The following PEAK1 variants were observed in gnomAD, a reference collection of about 807,000 sequenced individuals.
PEAK1 encodes pseudopodium enriched atypical kinase 1.
PEAK1 carries 54 observed loss-of-function variants against 124.7 expected under a neutral mutation model. That is an observed-to-expected ratio of 0.43 (90% CI 0.35 to 0.54). The LOEUF (loss-of-function observed/expected upper bound fraction) is 0.54, where lower values mean the gene tolerates loss of function less well. Among genes scored for constraint, PEAK1 ranks in the 20% least tolerant of loss-of-function variants. The pLI is 0.01. For missense variants in PEAK1, 2,046 were observed against 2,134.5 expected (o/e 0.96, Z 0.82); for synonymous variants, 719 against 760.0 (o/e 0.95, Z 0.89).
At position 77,179,062 on chromosome 15, in the gene PEAK1, C is replaced by T; in HGVS notation, c.2865G>A (p.Leu955=). Residue 955 remains leucine, a synonymous_variant, in exon 7 of 10, where the codon CTG becomes CTA. Coordinates refer to ENST00000682557, the MANE Select transcript of PEAK1 (RefSeq NM_001385026.1). ...GCAGCATGTGAATGACTGTGCCATC[C>T]AGGCCCACCAGTTTCCCTTTCTCTC... ...KEREKGKLVG[L]DGTVIHMLPP... is the part of the protein sequence containing the mutation. 1.9e-6 allele frequency: 3 copies of T among 1,614,180 alleles called. No individual in the cohort carries two copies. The highest frequency in any genetic ancestry group is 2.5e-6 in the Non-Finnish European group (3 of 1,180,032).
chr15:77,351,823 G>A (rs2067228403), intron 2 of PEAK1: 2 of 985,302 alleles, frequency 2.0e-6, no homozygotes, highest in African/African-American at 3.5e-5. Context: ...CACGGGTGTG[G>A]TAACAGTTTG....
intron 6 of PEAK1, among the ~76,000 whole-genome samples, chr15:77,238,886 C>T (rs1303930515): frequency 6.6e-6 from 1 of 152,154 alleles, no homozygotes; most frequent in Non-Finnish European, 1.5e-5. Context: ...CATAAAGAAT[C>T]CCCAAATAGC....
chr15:77,335,506 G>T (rs1381364588), intron 2 of PEAK1: 1 of 984,682 alleles, frequency 1.0e-6, no homozygotes, highest in Non-Finnish European at 1.2e-6. Flanking sequence ...CAAGAGACAG[G>T]GTCTGGCTTG....
chr15:77,157,027 T>C (rs1238226303), intron 8 of PEAK1: 1 of 152,254 alleles, frequency 6.6e-6, no homozygotes, highest in African/African-American at 2.4e-5. Context: ...AGTCTTCTTC[T>C]TACACAATGT....
At position 77,178,971 on chromosome 15, in the gene PEAK1, C is replaced by T; in HGVS notation, c.2956G>A (p.Ala986Thr). Residue 986 changes from alanine (A) to threonine (T), a missense_variant, in exon 7 of 10, where the codon GCC becomes ACC. Coordinates refer to ENST00000682557, the MANE Select transcript of PEAK1 (RefSeq NM_001385026.1). ...TCGCACCTGTACATGAAGACAATGG[C>T]TGGTTTCTCACTGGACTCTCCTTTC... The part of the protein sequence containing the change: ...EAKGESSEKP[A>T]IVFMYRCDPA... 1.2e-6 allele frequency: 2 copies of T among 1,614,088 alleles called. No homozygotes were observed. The highest frequency in any genetic ancestry group is 1.1e-5 in the South Asian group (1 of 91,084).
In PEAK1 at chr15:77,285,047, C is replaced by T. The variant is rs2062853000; in HGVS notation, c.-512G>A. On this transcript the variant is annotated 5_prime_UTR_variant, in exon 4 of 10. Transcript: ENST00000682557. ...GCAGTGAGCCAAGATCACGCCACCG[C>T]ACTCCAGCCTGGGCGACAGAGTGAG... is the stretch of plus-strand genomic sequence containing the variant. The T allele has an allele frequency of 1.3e-5, 2 of 149,480 alleles. 1 individual carries two copies. The highest frequency in any genetic ancestry group is 1.3e-4 in the Admixed American group (2 of 14,848). 9.3% of individuals were successfully genotyped at this position (149,480 alleles called of 1,614,324 possible). A position where few individuals can be genotyped will look rare whatever the true frequency, so the allele number is the denominator to read the frequency against.
intron 7 of PEAK1, among the ~76,000 whole-genome samples, chr15:77,170,386 G>A (rs2056424796): frequency 6.6e-6 from 1 of 152,102 alleles, no homozygotes; most frequent in Admixed American, 6.6e-5. Flanking sequence ...TTATAAACAA[G>A]GCACTTAGAA....
intron 7 of PEAK1, among the ~76,000 whole-genome samples, chr15:77,171,550 C>T (rs1246798551): frequency 6.6e-6 from 1 of 151,746 alleles, no homozygotes; most frequent in Non-Finnish European, 1.5e-5. Flanking sequence ...AAAGGATAGG[C>T]AGATATTTGT....
chr15:77,335,817 C>G, intron 2 of PEAK1: 1 of 985,350 alleles, frequency 1.0e-6, no homozygotes, highest in Non-Finnish European at 1.2e-6. Flanking sequence ...TTAATCCATG[C>G]TTCTAGGTAA....
chr15:77,323,580 CGT>C (rs1340168734), intron 2 of PEAK1, among the ~76,000 whole-genome samples: 2 of 152,032 alleles, frequency 1.3e-5, no homozygotes, highest in African/African-American at 4.8e-5. Flanking sequence ...GTACAAGGGA[CGT>C]GAAGGACCTC....
intron 9 of PEAK1, among the ~76,000 whole-genome samples, chr15:77,130,283 T>C (rs542670440): frequency 7.2e-5 from 11 of 152,348 alleles, no homozygotes; most frequent in Admixed American, 2.6e-4. Flanking sequence ...GGGCCCAAGA[T>C]AGATAAGGCA....
At chr15:77,276,933 T>C (rs2062361836) in intron 5 of PEAK1, among the ~76,000 whole-genome samples, 1 of 152,128 alleles carries the variant, frequency 6.6e-6, no homozygotes, top group Non-Finnish European at 1.5e-5. Context: ...CTGGAAGTGA[T>C]AAAATGTAGC....
rs771074239 is a variant in PEAK1, at chr15:77,181,572, T to C, written c.355A>G (p.Asn119Asp). 32 of 1,614,136 alleles carry C rather than the reference T, an allele frequency of 2.0e-5. No homozygotes were observed. The highest frequency in any genetic ancestry group is 2.5e-5 in the Non-Finnish European group (29 of 1,180,006). The change falls in exon 7 of 10, where the codon AAT becomes GAT. Residue 119 changes from asparagine (N) to aspartate (D), a missense_variant. Transcript: ENST00000682557. ...CTAATTCCTTCATCATCTTCATTAT[T>C]ATTGTTAAGTGGTTTCTGACTCAAG... is the stretch of plus-strand genomic sequence containing the variant. ...AALSQKPLNN[N>D]NEDDEGISHV...
rs1367530598 is a variant in PEAK1 at position 77,158,716 on chromosome 15, T to G, written c.3138-20A>C. On this transcript the variant is annotated intron_variant, in intron 7 of 9. Transcript: ENST00000682557. ...ATGTGACTGAAACAAATCAGACCAC[T>G]TGTCACACTGGTATTGGAAGGTTCT... The G allele has an allele frequency of 2.5e-6, 4 of 1,606,832 alleles. No homozygotes were observed. The highest frequency in any genetic ancestry group is 3.4e-6 in the Non-Finnish European group (4 of 1,173,762).
chr15:77,311,065 T>TA (rs1482105778), intron 2 of PEAK1, among the ~76,000 whole-genome samples: 1 of 152,206 alleles, frequency 6.6e-6, no homozygotes, highest in Non-Finnish European at 1.5e-5. Context: ...GGATACTGGT[T>TA]AAAGAATAGA....
At chr15:77,364,561 T>A (rs2068098725) in intron 2 of PEAK1, among the ~76,000 whole-genome samples, 1 of 152,176 alleles carries the variant, frequency 6.6e-6, no homozygotes, top group South Asian at 2.1e-4. Context: ...ACGATGTATT[T>A]GGAAAAATTT....
chr15:77,213,449 T>C (rs1177721484), intron 6 of PEAK1, among the ~76,000 whole-genome samples: 1 of 152,084 alleles, frequency 6.6e-6, no homozygotes, highest in Non-Finnish European at 1.5e-5. Context: ...CCCAGCACTT[T>C]AGGAGGCCGA....
At chr15:77,158,450 T>C (rs1408026023) in intron 8 of PEAK1, 53 bp downstream of exon 8, 1 of 1,476,210 alleles carries the variant, frequency 6.8e-7, no homozygotes, top group Admixed American at 1.7e-5. Context: ...AACATTTGGC[T>C]AGTACAGAAA....
At chr15:77,347,562 T>A (rs976637513) in intron 2 of PEAK1, 1 of 985,264 alleles carries the variant, frequency 1.0e-6, no homozygotes, top group South Asian at 4.7e-5. Flanking sequence ...CAAAGGAATG[T>A]TTCTGGATGT....
Sources: allele counts gnomAD v4.1 joint callset (sites outside exome capture counted in the v4.1 genomes callset), GRCh38; gene constraint gnomAD v4.1.1; transcripts MANE v1.5; gene names NCBI Gene and HGNC (gene_info 2026-07-23, HGNC 2026-07-21).